Variants in HECW1 observed in about 807,000 individuals in gnomAD.
HECW1 encodes HECT, C2 and WW domain containing E3 ubiquitin protein ligase 1, also known as E3 ubiquitin-protein ligase HECW1.
A neutral mutation model predicts 182.3 loss-of-function variants in HECW1; 61 were observed. The ratio of observed to expected loss-of-function variants is 0.33; its 90% confidence interval spans 0.27 to 0.41. The LOEUF is 0.41. Ranked by LOEUF, HECW1 falls within the 10% of genes least tolerant of loss-of-function variation. The pLI is 1.00. For missense variants in HECW1, 1,739 were observed against 2,108.9 expected (o/e 0.82, Z 3.44); for synonymous variants, 859 against 832.6 (o/e 1.03, Z -0.55).
intron 4 of HECW1, among the ~76,000 whole-genome samples, chr7:43,317,128 C>CA (rs139128147): frequency 0.011 from 1,726 of 152,156 alleles, 37 homozygotes; most frequent in African/African-American, 0.04. Context: ...GGTCTTAGAC[C>CA]AGGCTCTTGG....
At chr7:43,227,120 C>A (rs973556336) in intron 2 of HECW1, among the ~76,000 whole-genome samples, 2 of 152,040 alleles carry the variant, frequency 1.3e-5, no homozygotes, top group African/African-American at 4.8e-5. Context: ...TATTTAATGC[C>A]CAGTGTCCTG....
At chr7:43,455,811 C>T (rs766857279) in intron 12 of HECW1, among the ~76,000 whole-genome samples, 1 of 151,756 alleles carries the variant, frequency 6.6e-6, no homozygotes, top group African/African-American at 2.4e-5. Context: ...CCAACCATGG[C>T]CAACATGGTG....
At chr7:43,369,927 G>C (rs1180281159) in intron 6 of HECW1, among the ~76,000 whole-genome samples, 1 of 152,126 alleles carries the variant, frequency 6.6e-6, no homozygotes, top group Non-Finnish European at 1.5e-5. Context: ...GCTTTTAAGA[G>C]CAAAATCAAC....
chr7:43,458,390 C>T (rs966495951), intron 13 of HECW1, among the ~76,000 whole-genome samples: 1 of 152,160 alleles, frequency 6.6e-6, no homozygotes, highest in Non-Finnish European at 1.5e-5. Flanking sequence ...GATCTGCTTG[C>T]ATAATATAAA....
Position 43,563,930 on chromosome 7 carries a change from C to A in HECW1, c.*2004C>A, listed in dbSNP as rs2082273440. The A allele has an allele frequency of 5.4e-6, 1 of 186,060 alleles. No individual in the cohort carries two copies. The highest frequency in any genetic ancestry group is 2.0e-4 in the South Asian group (1 of 5,122). 11.5% of individuals were successfully genotyped at this position (186,060 alleles called of 1,614,324 possible). On this transcript the variant is annotated 3_prime_UTR_variant, in exon 30 of 30. Transcript: ENST00000395891. ...TAGGAATTATCTACAATGCCCAGCA[C>A]CCCTTGCAGCGATGTGTCCGTTGTC... is the stretch of plus-strand genomic sequence containing the variant.
intron 3 of HECW1, among the ~76,000 whole-genome samples, chr7:43,258,199 G>A (rs1250837471): frequency 3.3e-5 from 5 of 151,870 alleles, no homozygotes; most frequent in East Asian, 1.9e-4. Context: ...AAAATTAGCC[G>A]GGTGTGGTGG....
chr7:43,355,128 A>G (rs775122902), intron 5 of HECW1, among the ~76,000 whole-genome samples: 1 of 152,200 alleles, frequency 6.6e-6, no homozygotes, highest in Admixed American at 6.5e-5. Context: ...AACAAAGGCT[A>G]AAAGAATTCA....
intron 24 of HECW1, among the ~76,000 whole-genome samples, chr7:43,530,052 C>G (rs371490477): frequency 6.6e-6 from 1 of 151,544 alleles, no homozygotes; most frequent in Non-Finnish European, 1.5e-5. Flanking sequence ...CAGGTTCAAG[C>G]GATTCTCCCA....
intron 24 of HECW1, among the ~76,000 whole-genome samples, chr7:43,514,577 A>G (rs2080050961): frequency 6.6e-6 from 1 of 152,168 alleles, no homozygotes; most frequent in Non-Finnish European, 1.5e-5. Flanking sequence ...GCGTGAGCCA[A>G]CGTGCCCAGC....
chr7:43,453,065 G>T (rs10258168), intron 12 of HECW1, among the ~76,000 whole-genome samples: 1 of 152,112 alleles, frequency 6.6e-6, no homozygotes. Flanking sequence ...ATCACTTAAG[G>T]GCTTTTACTC....
At chr7:43,556,051 A>G (rs978042845) in intron 29 of HECW1, among the ~76,000 whole-genome samples, 1 of 152,196 alleles carries the variant, frequency 6.6e-6, no homozygotes, top group Non-Finnish European at 1.5e-5. Context: ...GGAACCTGCA[A>G]TCTAGGGAGA....
intron 2 of HECW1, among the ~76,000 whole-genome samples, chr7:43,237,571 T>C (rs994353674): frequency 2.0e-5 from 3 of 152,174 alleles, no homozygotes; most frequent in Admixed American, 6.5e-5. Flanking sequence ...GTGTAGACAG[T>C]TATAGGAACT....
chr7:43,485,228 T>C lies in HECW1; in HGVS notation c.3234+5484T>C, dbSNP rs185841483. Among the ~76,000 whole-genome samples the C allele has an allele frequency of 2.3e-3, 344 of 152,272 alleles. 8 individuals are homozygous for C. Among genetic ancestry groups the C allele is most frequent in the Non-Finnish European group, 7.4e-4 (50 of 68,018 alleles). Reference sequence around the variant, plus strand: ...AGTCATTCTTTGCAGTGAGCTTCTTTGATGGCAGAAGTCATTTCATGGGCT... The same window carrying C: ...AGTCATTCTTTGCAGTGAGCTTCTTCGATGGCAGAAGTCATTTCATGGGCT... On this transcript the variant is annotated intron_variant, in intron 17 of 29. Transcript: ENST00000395891.
At chr7:43,486,291 A>ATT (rs543408646) in intron 17 of HECW1, among the ~76,000 whole-genome samples, 20 of 144,128 alleles carry the variant, frequency 1.4e-4, no homozygotes, top group African/African-American at 4.8e-4. Context: ...GGTTGGTTCG[A>ATT]TTTTTTTTTT....
chr7:43,488,993 C>T (rs1026323533), intron 17 of HECW1, among the ~76,000 whole-genome samples: 1 of 152,180 alleles, frequency 6.6e-6, no homozygotes, highest in African/African-American at 2.4e-5. Context: ...GAGTGGGTGA[C>T]CTCAGAAGTA....
intron 3 of HECW1, among the ~76,000 whole-genome samples, chr7:43,251,527 G>T (rs959015445): frequency 1.3e-5 from 2 of 152,112 alleles, no homozygotes; most frequent in Non-Finnish European, 2.9e-5. Context: ...TGTTGGCCAG[G>T]CTGGTCTCGA....
In HECW1 at chr7:43,358,896, C is replaced by T. The variant is rs368413920; in HGVS notation, c.461-1990C>T. Among the ~76,000 whole-genome samples, 299 of 141,014 alleles carry T rather than the reference C, an allele frequency of 2.1e-3. 1 individual carries two copies. Among genetic ancestry groups the T allele is most frequent in the South Asian group, 7.8e-3 (34 of 4,342 alleles). The allele number at this position is 141,014 out of a possible 152,430, so 92.5% of individuals were successfully genotyped here. On this transcript the variant is annotated intron_variant, in intron 5 of 29. Transcript: ENST00000395891. The stretch of plus-strand genomic sequence containing the variant: ...CTGGAGTGCAATGGCGTGATCTTGG[C>T]TCACTGCCACCTCCACCTCCCGGGT...
chr7:43,137,974 T>G (rs1006206507), intron 2 of HECW1, among the ~76,000 whole-genome samples: 1 of 152,158 alleles, frequency 6.6e-6, no homozygotes, highest in Non-Finnish European at 1.5e-5. Context: ...CATTATATAC[T>G]GAATAAGAGA....
intron 4 of HECW1, among the ~76,000 whole-genome samples, chr7:43,317,308 C>T (rs909277366): frequency 4.6e-5 from 7 of 152,274 alleles, no homozygotes; most frequent in South Asian, 2.1e-4. Context: ...GAGAGACAGC[C>T]GCCATGGCCT....
Sources: gnomAD v4.1 joint callset for allele counts (sites outside exome capture counted in the v4.1 genomes callset) on GRCh38, gnomAD v4.1.1 for gene constraint, MANE v1.5 for transcripts, NCBI Gene and HGNC (gene_info 2026-07-23, HGNC 2026-07-21) for gene names.